EYS: variants seen among roughly 807,000 people sequenced by gnomAD.
EYS encodes protein eyes shut homolog.
A neutral mutation model predicts 282.1 loss-of-function variants in EYS; 250 were observed. The ratio of observed to expected loss-of-function variants is 0.89; its 90% confidence interval spans 0.80 to 0.98. EYS has a LOEUF of 0.98. Among genes scored for constraint, EYS ranks in the 50% least tolerant of loss-of-function variants. The pLI is 0.00. For missense variants in EYS, 4,016 were observed against 3,709.0 expected, an observed-to-expected ratio of 1.08 and a Z score of -2.15; for synonymous variants, 1,355 against 1,282.9, an observed-to-expected ratio of 1.06 and a Z score of -1.20.
chr6:63,819,793 A>G (rs142024640), intron 36 of EYS, among the ~76,000 whole-genome samples: 2 of 152,344 alleles, frequency 1.3e-5, no homozygotes, highest in East Asian at 3.9e-4. Flanking sequence ...TAGAAGAACC[A>G]TGACTAGTAG....
chr6:64,411,741 A>G (rs1455906356), intron 28 of EYS, among the ~76,000 whole-genome samples: 3 of 152,046 alleles, frequency 2.0e-5, no homozygotes, highest in African/African-American at 7.2e-5. Flanking sequence ...CTAGCTATTT[A>G]AGAGGCTGAT....
At chr6:64,879,508 A>T (rs2150058938) in intron 19 of EYS, among the ~76,000 whole-genome samples, 1 of 152,290 alleles carries the variant, frequency 6.6e-6, no homozygotes, top group South Asian at 2.1e-4. Context: ...AAAGCTTCAT[A>T]AATATTATTT....
chr6:63,980,063 C>T (rs551028209), intron 35 of EYS, among the ~76,000 whole-genome samples: 1 of 151,946 alleles, frequency 6.6e-6, no homozygotes, highest in Admixed American at 6.6e-5. Flanking sequence ...ATTTTGCTTA[C>T]AAATATCCAT....
At chr6:64,073,942 CT>C (rs1304774672) in intron 32 of EYS, among the ~76,000 whole-genome samples, 1 of 151,786 alleles carries the variant, frequency 6.6e-6, no homozygotes. Flanking sequence ...TATTCTTTCA[CT>C]GAAAAGATGC....
chr6:64,137,900 T>TA (rs1335420531), intron 31 of EYS, among the ~76,000 whole-genome samples: 1 of 152,086 alleles, frequency 6.6e-6, no homozygotes, highest in Admixed American at 6.6e-5. Context: ...CCTTACTTTG[T>TA]AAAAAACAAA....
chr6:64,503,006 A>G (rs1025408881), intron 26 of EYS, among the ~76,000 whole-genome samples: 6 of 152,196 alleles, frequency 3.9e-5, no homozygotes, highest in African/African-American at 1.4e-4. Flanking sequence ...CCTCTTGCCA[A>G]ATATGTTGTT....
intron 26 of EYS, among the ~76,000 whole-genome samples, chr6:64,522,649 C>T (rs536503623): frequency 6.6e-5 from 10 of 151,736 alleles, no homozygotes; most frequent in African/African-American, 2.4e-4. Context: ...GGTGTATGGC[C>T]CCCAGTAATA....
At chr6:65,036,112 G>T (rs989614383) in intron 13 of EYS, among the ~76,000 whole-genome samples, 2 of 151,520 alleles carry the variant, frequency 1.3e-5, no homozygotes, top group Non-Finnish European at 2.9e-5. Context: ...AAAACAGCAG[G>T]CACTGGTACA....
intron 12 of EYS, among the ~76,000 whole-genome samples, chr6:65,244,548 T>C (rs1767132412): frequency 6.6e-6 from 1 of 152,158 alleles, no homozygotes. Context: ...AGTCTCGCTC[T>C]GTCGCCCAGA....
intron 2 of EYS, among the ~76,000 whole-genome samples, chr6:65,574,156 G>A (rs545331621): frequency 1.1e-4 from 17 of 152,256 alleles, no homozygotes; most frequent in Admixed American, 9.8e-4. Flanking sequence ...CTTTGTGACT[G>A]TTCCATGTGT....
chr6:64,492,472 G>T (rs2349592), intron 26 of EYS, among the ~76,000 whole-genome samples: 44,579 of 143,622 alleles, frequency 0.31, 6,681 homozygotes, highest in East Asian at 0.47. Context: ...CTGTTTTTTT[G>T]TTGTTGTTGT....
At chr6:64,410,842 G>A (rs1460003622) in intron 28 of EYS, among the ~76,000 whole-genome samples, 1 of 152,042 alleles carries the variant, frequency 6.6e-6, no homozygotes, top group East Asian at 1.9e-4. Context: ...TAAACTTTCT[G>A]TGCACTGTTA....
At chr6:64,303,773 G>T (rs1052416072) in intron 30 of EYS, among the ~76,000 whole-genome samples, 1 of 149,226 alleles carries the variant, frequency 6.7e-6, no homozygotes, top group Non-Finnish European at 1.5e-5. Flanking sequence ...CCCGGGAGGC[G>T]GAGCTTGCAG....
At chr6:64,005,873 C>CTTG (rs1225422406) in intron 33 of EYS, among the ~76,000 whole-genome samples, 1 of 152,038 alleles carries the variant, frequency 6.6e-6, no homozygotes, top group Admixed American at 6.6e-5. Flanking sequence ...TTACTCTAGG[C>CTTG]TTGTAGTATA....
intron 2 of EYS, among the ~76,000 whole-genome samples, chr6:65,511,904 C>G (rs998321938): frequency 6.8e-6 from 1 of 147,728 alleles, no homozygotes; most frequent in Non-Finnish European, 1.5e-5. Context: ...TCACTTGAAC[C>G]TGGGAGGCAG....
chr6:64,682,961 T>C (rs1371709264), intron 22 of EYS, among the ~76,000 whole-genome samples: 1 of 152,142 alleles, frequency 6.6e-6, no homozygotes, highest in Non-Finnish European at 1.5e-5. Flanking sequence ...CTAACACCCC[T>C]AAGAAAAATC....
intron 41 of EYS, among the ~76,000 whole-genome samples, chr6:63,755,458 C>G (rs569253635): frequency 9.1e-4 from 139 of 152,258 alleles, no homozygotes; most frequent in African/African-American, 3.3e-3. Context: ...GGTGTTATTT[C>G]TGAGGCCTCT....
At chr6:65,599,490 C>T (rs572614352) in intron 2 of EYS, among the ~76,000 whole-genome samples, 25 of 152,126 alleles carry the variant, frequency 1.6e-4, no homozygotes, top group African/African-American at 5.8e-4. Flanking sequence ...ACTTCATTGA[C>T]TTGTAGATGC....
chr6:63,839,109 A>G (rs1456051862), intron 36 of EYS, among the ~76,000 whole-genome samples: 3 of 152,174 alleles, frequency 2.0e-5, no homozygotes, highest in Admixed American at 2.0e-4. Flanking sequence ...TATACAAAAA[A>G]TTATTGTTAA....
Sources: gnomAD v4.1 joint callset for allele counts (sites outside exome capture counted in the v4.1 genomes callset) on GRCh38, gnomAD v4.1.1 for gene constraint, MANE v1.5 for transcripts, NCBI Gene and HGNC (gene_info 2026-07-23, HGNC 2026-07-21) for gene names.